The following ZNF516 variants were observed in gnomAD, a reference collection of about 807,000 sequenced individuals.
ZNF516 encodes the protein zinc finger protein 516.
Under a neutral mutation model 79.7 loss-of-function variants are expected in ZNF516, and 19 were observed. That is an observed-to-expected ratio of 0.24 (90% CI 0.17 to 0.35). ZNF516 has a LOEUF of 0.35. Ranked by LOEUF, ZNF516 falls within the 10% of genes least tolerant of loss-of-function variation. ZNF516 has a pLI of 1.00. For synonymous variants in ZNF516, 877 were observed against 739.5 expected, an observed-to-expected ratio of 1.19 and a Z score of -3.02; for missense variants, 1,678 against 1,679.5, an observed-to-expected ratio of 1.00 and a Z score of 0.02.
intron 3 of ZNF516, among the ~76,000 whole-genome samples, chr18:76,434,667 G>A (rs771292425): frequency 6.6e-6 from 1 of 152,234 alleles, no homozygotes; most frequent in Non-Finnish European, 1.5e-5. Context: ...AAGTGCAGAT[G>A]CAGAATCTGA....
At position 76,441,337 on chromosome 18, in the gene ZNF516, G is replaced by C; in HGVS notation, c.1718C>G (p.Ser573Cys). 6.2e-7 allele frequency: 1 copy of C among 1,611,722 alleles called. No individual in the cohort carries two copies. Among genetic ancestry groups the C allele is most frequent in the African/African-American group, 1.3e-5 (1 of 75,038 alleles). ...DSASQPSSPG[S>C]ACAAADSPGS... ...CGGGGAGTCAGCAGCGGCACAGGCG[G>C]AGCCAGGGCTGCTGGGCTGGGAGGC... Residue 573 changes from serine (S) to cysteine (C), a missense_variant, in exon 3 of 7, where the codon TCC (serine) becomes TGC (cysteine). Coordinates refer to ENST00000443185, the MANE Select transcript of ZNF516 (RefSeq NM_014643.4).
At chr18:76,436,109 G>T (rs1231935621) in intron 3 of ZNF516, among the ~76,000 whole-genome samples, 2 of 152,244 alleles carry the variant, frequency 1.3e-5, no homozygotes, top group Admixed American at 1.3e-4. Context: ...CGAAGGAACT[G>T]GGCAGAGCCC....
Position 76,358,934 on chromosome 18 carries a change from G to C in ZNF516, c.*3564C>G, listed in dbSNP as rs1230741209. 1 of 152,330 alleles carries C rather than the reference G, an allele frequency of 6.6e-6. No individual in the cohort carries two copies. Among genetic ancestry groups the C allele is most frequent in the Non-Finnish European group, 1.5e-5 (1 of 68,204 alleles). The allele number at this position is 152,330 out of a possible 1,614,324, so 9.4% of individuals were successfully genotyped here. On this transcript the variant is annotated 3_prime_UTR_variant, in exon 7 of 7. Transcript: ENST00000443185. ...ACACCCTCTCTGTCCAAAGAACAGA[G>C]GCCGACCAGAGTTGCCAGCCTGGAG...
chr18:76,441,972 C>T lies in ZNF516; in HGVS notation c.1083G>A (p.Glu361=). The T allele has an allele frequency of 6.2e-7, 1 of 1,612,730 alleles. No homozygotes were observed. The highest frequency in any genetic ancestry group is 8.5e-7 in the Non-Finnish European group (1 of 1,179,752). ...CGGCCGGGGCGCGCGTGCGGCTGGC[C>T]TCGACTCTGCGGTGGATGGCATTGT... ...NAHNAIHRRV[E]ASRTRAPAEE... Residue 361 remains glutamate, a synonymous_variant, in exon 3 of 7, where the codon GAG becomes GAA. Coordinates refer to ENST00000443185, the MANE Select transcript of ZNF516 (RefSeq NM_014643.4).
intron 3 of ZNF516, among the ~76,000 whole-genome samples, chr18:76,384,753 T>C (rs1206805535): frequency 2.6e-5 from 4 of 151,918 alleles, no homozygotes; most frequent in Admixed American, 2.0e-4. Context: ...GTGGCTCCCA[T>C]GCCACACAGG....
rs2074483786 is a variant in ZNF516 at position 76,358,284 on chromosome 18, ACT to A, written c.*4212_*4213del. 1 of 152,276 alleles carries A rather than the reference ACT, an allele frequency of 6.6e-6. No homozygotes were observed. The highest frequency in any genetic ancestry group is 1.9e-4 in the East Asian group (1 of 5,206). 9.4% of individuals were successfully genotyped at this position (152,276 alleles called of 1,614,324 possible). A position where few individuals can be genotyped will look rare whatever the true frequency, so the allele number is the denominator to read the frequency against. ...TATCACACAACTAAAACATTGAATTACTTTTTCAGAAATAGTTAAATACATCA... is the reference window on the plus strand; with the variant it reads ...TATCACACAACTAAAACATTGAATTATTTTCAGAAATAGTTAAATACATCA... On this transcript the variant is annotated 3_prime_UTR_variant, in exon 7 of 7. Transcript: ENST00000443185.
At chr18:76,389,098 C>T (rs2075032469) in intron 3 of ZNF516, 1 of 152,228 alleles carries the variant, frequency 6.6e-6, no homozygotes, top group African/African-American at 2.4e-5. Context: ...TGGGCTGCCA[C>T]AAACCCCGAT....
rs541082373 is a variant in ZNF516, at chr18:76,455,158, A to C, written c.-158+7870T>G. Reference sequence around the variant, plus strand: ...ACAGCAGTCACACAGTTGCTTTGCGAACATTTTCCAAGAACTCGAAGACCA... The same window carrying C: ...ACAGCAGTCACACAGTTGCTTTGCGCACATTTTCCAAGAACTCGAAGACCA... On this transcript the variant is annotated intron_variant, in intron 2 of 6. Transcript: ENST00000443185. 3.3e-5 allele frequency among the ~76,000 whole-genome samples: 5 copies of C among 152,096 alleles called. No individual in the cohort carries two copies. In the South Asian group the frequency reaches 1.0e-3, roughly 31 times the overall value.
At chr18:76,403,286 T>TCA (rs778885992) in intron 3 of ZNF516, among the ~76,000 whole-genome samples, 8 of 152,220 alleles carry the variant, frequency 5.3e-5, no homozygotes, top group Non-Finnish European at 7.3e-5. Context: ...CTGACCTGGT[T>TCA]CATCTCTTCT....
In ZNF516 at chr18:76,376,821, G is replaced by A. The variant is rs377357327; in HGVS notation, c.3259+2034C>T. Reference sequence around the variant, plus strand: ...CATGATTAATTAAAACTATGAGTCCGGTGGATCAAGTGGGCGTCAAACTCC... The same window carrying A: ...CATGATTAATTAAAACTATGAGTCCAGTGGATCAAGTGGGCGTCAAACTCC... On this transcript the variant is annotated intron_variant, in intron 4 of 6. Coordinates refer to ENST00000443185, the MANE Select transcript of ZNF516 (RefSeq NM_014643.4). Among the ~76,000 whole-genome samples, 55 of 152,228 alleles carry A rather than the reference G, an allele frequency of 3.6e-4. No homozygotes were observed. In the South Asian group the frequency reaches 9.8e-3, roughly 27 times the overall value.
At position 76,493,615 on chromosome 18, in the gene ZNF516, T is replaced by A. The variant is rs1427575997; in HGVS notation, c.-272+1529A>T. 6.6e-6 allele frequency: 1 copy of A among 152,238 alleles called. No individual in the cohort carries two copies. Among genetic ancestry groups the A allele is most frequent in the Non-Finnish European group, 1.5e-5 (1 of 68,048 alleles). 9.4% of individuals were successfully genotyped at this position (152,238 alleles called of 1,614,324 possible). On this transcript the variant is annotated intron_variant, in intron 1 of 6. Coordinates refer to ENST00000443185, the MANE Select transcript of ZNF516 (RefSeq NM_014643.4). This position sits in a 1 kb window ranked among gnomAD's most constrained non-coding sequence, Gnocchi z 5.2. The stretch of plus-strand genomic sequence containing the variant: ...CTGTTTTTCCTGTAAGCACTTTACC[T>A]AGCCGGGTTTCAGACCTTAAAAATA...
chr18:76,418,733 T>C (rs1347704097), intron 3 of ZNF516, among the ~76,000 whole-genome samples: 1 of 152,252 alleles, frequency 6.6e-6, no homozygotes, highest in Non-Finnish European at 1.5e-5. Flanking sequence ...GTAATTATAA[T>C]CTCAATTTCC....
intron 3 of ZNF516, among the ~76,000 whole-genome samples, chr18:76,405,695 C>A (rs2075295189): frequency 2.0e-5 from 3 of 152,090 alleles, no homozygotes; most frequent in Admixed American, 1.3e-4. Flanking sequence ...ATCAGGCCTG[C>A]AGTATTTTTA....
Position 76,492,901 on chromosome 18 carries a change from T to TG in ZNF516, c.-272+2242dup, listed in dbSNP as rs147354917. 3.0e-6 allele frequency: 3 copies of TG among 985,586 alleles called. No homozygotes were observed. The African/African-American group carries it at 5.2e-5, about 17-fold the overall frequency. 61.1% of individuals were successfully genotyped at this position (985,586 alleles called of 1,614,324 possible). On this transcript the variant is annotated intron_variant, in intron 1 of 6. Coordinates refer to ENST00000443185, the MANE Select transcript of ZNF516 (RefSeq NM_014643.4). The stretch of plus-strand genomic sequence containing the variant: ...TGTCCACGTCTACATCACACATCTG[T>TG]GTAAATGCAGAAGCCTGCGGATGCG...
At chr18:76,408,197 T>C (rs1048481320) in intron 3 of ZNF516, among the ~76,000 whole-genome samples, 1 of 152,162 alleles carries the variant, frequency 6.6e-6, no homozygotes, top group African/African-American at 2.4e-5. Context: ...ACCAGGAAAG[T>C]AGACCTTGCA....
chr18:76,440,761 T>C (rs55710939), intron 3 of ZNF516, among the ~76,000 whole-genome samples: 84,223 of 149,990 alleles, frequency 0.56, 23,714 homozygotes, highest in South Asian at 0.64. Flanking sequence ...TGTGTGTGTG[T>C]GCGCGCACGC....
rs979278552 is a variant in ZNF516 at position 76,443,098 on chromosome 18, C to T, written c.-44G>A. On this transcript the variant is annotated 5_prime_UTR_variant, in exon 3 of 7. Coordinates refer to ENST00000443185, the MANE Select transcript of ZNF516 (RefSeq NM_014643.4). ...CGGTGGTGGCGGCACAGCTTTCTGTCGCGCGGGCTGCAGGGACCGTCCTAT... is the reference window on the plus strand; with the variant it reads ...CGGTGGTGGCGGCACAGCTTTCTGTTGCGCGGGCTGCAGGGACCGTCCTAT... The T allele has an allele frequency of 2.0e-5, 30 of 1,533,290 alleles. No homozygotes were observed. The highest frequency in any genetic ancestry group is 2.4e-5 in the Non-Finnish European group (28 of 1,147,598). The allele number at this position is 1,533,290 out of a possible 1,614,324, so 95.0% of individuals were successfully genotyped here.
At chr18:76,410,117 C>T (rs910456729) in intron 3 of ZNF516, among the ~76,000 whole-genome samples, 5 of 152,146 alleles carry the variant, frequency 3.3e-5, no homozygotes, top group African/African-American at 1.2e-4. Flanking sequence ...AGCCTCTTTC[C>T]TTTATAAATC....
At chr18:76,412,342 G>A (rs2075381719) in intron 3 of ZNF516, among the ~76,000 whole-genome samples, 1 of 152,130 alleles carries the variant, frequency 6.6e-6, no homozygotes, top group Non-Finnish European at 1.5e-5. Context: ...CCTGAAACAG[G>A]AAAACCTGAA....
Sources: gnomAD v4.1 joint callset for allele counts (sites outside exome capture counted in the v4.1 genomes callset) on GRCh38, gnomAD v4.1.1 for gene constraint, Gnocchi (gnomAD v3.1) non-coding constraint, MANE v1.5 for transcripts, NCBI Gene and HGNC (gene_info 2026-07-23, HGNC 2026-07-21) for gene names.